The following DDHD2 variants were observed in gnomAD, a reference collection of about 807,000 sequenced individuals.
The protein encoded by DDHD2 is DDHD domain containing 2.
A neutral mutation model predicts 91.2 loss-of-function variants in DDHD2; 62 were observed. That is an observed-to-expected ratio of 0.68 (90% CI 0.55 to 0.84). The LOEUF (loss-of-function observed/expected upper bound fraction) is 0.84, where lower values mean the gene tolerates loss of function less well. Ranked by LOEUF, DDHD2 falls within the 40% of genes least tolerant of loss-of-function variation. The pLI is 0.00. For synonymous variants in DDHD2, 271 were observed against 293.9 expected (o/e 0.92, Z 0.80); for missense variants, 740 against 846.9 (o/e 0.87, Z 1.57).
chr8:38,263,904 A>G (rs1174800697), downstream of DDHD2: 51 of 984,996 alleles, frequency 5.2e-5, no homozygotes, highest in Non-Finnish European at 6.1e-5. Context: ...GACCAGATTC[A>G]TAAGGTGTTG....
chr8:38,241,916 TG>T, intron 6 of DDHD2: 1 of 200,064 alleles, frequency 5.0e-6, no homozygotes, highest in Admixed American at 6.3e-5. Context: ...TAGCTGGGCA[TG>T]GTGGTATGTG....
chr8:38,270,654 A>G (rs1808427690), intron 1 of DDHD2: 1 of 152,242 alleles, frequency 6.6e-6, no homozygotes, highest in African/African-American at 2.4e-5. Flanking sequence ...CTGTTTGCAC[A>G]CATCAAGTGT....
downstream of DDHD2, chr8:38,266,312 C>G: frequency 6.2e-7 from 1 of 1,609,970 alleles, no homozygotes; most frequent in Non-Finnish European, 8.5e-7. Context: ...GCAAATGCAA[C>G]TGGAACAAGA....
At chr8:38,241,211 T>A (rs544715707) in intron 6 of DDHD2, among the ~76,000 whole-genome samples, 1 of 152,252 alleles carries the variant, frequency 6.6e-6, no homozygotes, top group East Asian at 1.9e-4. Flanking sequence ...TGATGTGATA[T>A]GAATTTCAAA....
intron 2 of DDHD2, among the ~76,000 whole-genome samples, chr8:38,234,057 C>T (rs1261244029): frequency 1.3e-5 from 2 of 152,096 alleles, no homozygotes; most frequent in Admixed American, 6.5e-5. Flanking sequence ...ACTGAATCAT[C>T]ATGATGGTTA....
chr8:38,233,559 C>T (rs901135449), intron 2 of DDHD2, among the ~76,000 whole-genome samples: 10 of 150,746 alleles, frequency 6.6e-5, no homozygotes, highest in East Asian at 2.0e-4. Flanking sequence ...GCTGGGATTA[C>T]AGGCGTGTTA....
intron 10 of DDHD2, among the ~76,000 whole-genome samples, chr8:38,248,202 C>T (rs906682950): frequency 6.6e-5 from 10 of 152,066 alleles, no homozygotes; most frequent in Non-Finnish European, 1.2e-4. Flanking sequence ...CCCGCCACCA[C>T]GCCTGGCTAA....
At chr8:38,247,116 A>G (rs897922459) in intron 9 of DDHD2, 3 of 136,134 alleles carry the variant, frequency 2.2e-5, no homozygotes, top group African/African-American at 5.5e-5. Flanking sequence ...TTCTATTTCT[A>G]TTTCTTTTTT....
intron 1 of DDHD2, chr8:38,268,667 G>T: frequency 2.1e-6 from 3 of 1,431,692 alleles, no homozygotes; most frequent in Non-Finnish European, 2.7e-6. Flanking sequence ...GGCACAGAGC[G>T]CCCGGGAAAA....
In DDHD2 at chr8:38,259,939, A is replaced by C; in HGVS notation, c.2055-101A>C. ...TCATTTCTTTGCAGAAGTAAAAAAT[A>C]AACTTGCAAGATGGTTGTATGGATT... On this transcript the variant is annotated intron_variant, in intron 16 of 17. Coordinates refer to ENST00000397166, the MANE Select transcript of DDHD2 (RefSeq NM_015214.3). 5 of 763,214 alleles carry C rather than the reference A, an allele frequency of 6.6e-6. No homozygotes were observed. The South Asian group carries it at 6.9e-5, about 11-fold the overall frequency. 47.3% of individuals were successfully genotyped at this position (763,214 alleles called of 1,614,324 possible). A position where few individuals can be genotyped will look rare whatever the true frequency, so the allele number is the denominator to read the frequency against.
intron 5 of DDHD2, among the ~76,000 whole-genome samples, chr8:38,239,476 G>A (rs1273286128): frequency 6.6e-6 from 1 of 151,296 alleles, no homozygotes; most frequent in Non-Finnish European, 1.5e-5. Flanking sequence ...GGCGGGTCAG[G>A]AGGTCGAGAC....
downstream of DDHD2, chr8:38,264,113 G>A: frequency 1.0e-6 from 1 of 1,004,648 alleles, no homozygotes; most frequent in Non-Finnish European, 1.2e-6. Context: ...GTCCGGTTAG[G>A]AGGGCTAGTT....
chr8:38,234,728 A>G (rs1804568712), intron 3 of DDHD2, 144 bp downstream of exon 3: 1 of 629,550 alleles, frequency 1.6e-6, no homozygotes, highest in Non-Finnish European at 2.5e-6. Context: ...AAGCATTTCT[A>G]TTTACAAGCA....
At chr8:38,241,873 A>G in intron 6 of DDHD2, 1 of 170,156 alleles carries the variant, frequency 5.9e-6, no homozygotes, top group Non-Finnish European at 1.2e-5. Flanking sequence ...GGCCAACAGG[A>G]CAAAACCCCA....
chr8:38,255,280 A>G (rs774423986), intron 16 of DDHD2: 3 of 440,548 alleles, frequency 6.8e-6, no homozygotes, highest in South Asian at 5.2e-5. Flanking sequence ...ATCTGATGCA[A>G]TCACTATCGT....
intron 16 of DDHD2, among the ~76,000 whole-genome samples, chr8:38,259,637 G>A (rs1288518922): frequency 6.6e-6 from 1 of 151,864 alleles, no homozygotes; most frequent in African/African-American, 2.4e-5. Flanking sequence ...ACCCACCTTG[G>A]CCTCCCAAAG....
In DDHD2 at chr8:38,234,602, T is replaced by C. The variant is rs779785705; in HGVS notation, c.411+18T>C. 1.3e-6 allele frequency: 2 copies of C among 1,547,894 alleles called. No homozygotes were observed. The highest frequency in any genetic ancestry group is 1.7e-6 in the Non-Finnish European group (2 of 1,145,824). ...TTTTAGAGGTATTCTTTTGACTCTT[T>C]TTTTACTTATTCTTTCTTTCTCTTA... On this transcript the variant is annotated intron_variant, in intron 3 of 17. Transcript: ENST00000397166.
At chr8:38,267,738 G>C (rs893101409), downstream of DDHD2, 1 of 759,092 alleles carries the variant, frequency 1.3e-6, no homozygotes, top group Non-Finnish European at 2.1e-6. Flanking sequence ...GAGGACTGAG[G>C]TATGGGGAAG....
chr8:38,268,206 G>C, intron 1 of DDHD2: 3 of 1,068,678 alleles, frequency 2.8e-6, no homozygotes, highest in Non-Finnish European at 3.9e-6. Flanking sequence ...CGTGTAGCCT[G>C]CGTAACCAAG....
Sources: gnomAD v4.1 joint callset for allele counts (sites outside exome capture counted in the v4.1 genomes callset) on GRCh38, gnomAD v4.1.1 for gene constraint, MANE v1.5 for transcripts, NCBI Gene and HGNC (gene_info 2026-07-23, HGNC 2026-07-21) for gene names.